The following SLC36A1 variants were observed in gnomAD, a reference collection of about 807,000 sequenced individuals.
The protein encoded by SLC36A1 is solute carrier family 36 member 1, also known as proton-coupled amino acid transporter 1.
In SLC36A1, 30 loss-of-function variants were observed where a neutral mutation model predicts 47.5. The ratio of observed to expected loss-of-function variants is 0.63; its 90% CI spans 0.47 to 0.86. The LOEUF (loss-of-function observed/expected upper bound fraction) is 0.86. Among genes scored for constraint, SLC36A1 ranks in the 40% least tolerant of loss-of-function variants. The pLI is 0.00. For missense variants in SLC36A1, 517 were observed against 606.0 expected (o/e 0.85, Z 1.54); for synonymous variants, 255 against 249.7 (o/e 1.02, Z -0.20).
the SLC36A1 span, chr5:151,528,192 CA>C: frequency 6.3e-7 from 1 of 1,590,958 alleles, no homozygotes; most frequent in Non-Finnish European, 8.6e-7. Flanking sequence ...CCTGGGAGTA[CA>C]GGGGGAAACA....
At chr5:151,527,528 G>A in the SLC36A1 span, 4 of 657,796 alleles carry the variant, frequency 6.1e-6, no homozygotes, top group South Asian at 5.4e-5. Flanking sequence ...TTAGGGCTTA[G>A]GTTCTGGAGT....
At chr5:151,368,660 CT>C in the SLC36A1 span, among the ~76,000 whole-genome samples, 2 of 152,178 alleles carry the variant, frequency 1.3e-5, no homozygotes, top group Non-Finnish European at 2.9e-5. Flanking sequence ...CTGTTGCCAG[CT>C]TTTACAATAG....
the SLC36A1 span, among the ~76,000 whole-genome samples, chr5:151,502,302 A>T: frequency 7.3e-6 from 1 of 137,224 alleles, no homozygotes; most frequent in African/African-American, 3.6e-5. Flanking sequence ...ACAGAGTGAG[A>T]CTCTGTCAAA....
At chr5:151,371,826 G>T in the SLC36A1 span, among the ~76,000 whole-genome samples, 1 of 152,122 alleles carries the variant, frequency 6.6e-6, no homozygotes, top group East Asian at 1.9e-4. Flanking sequence ...GGATAAATGT[G>T]TACTGATCTT....
At chr5:151,400,762 T>G in the SLC36A1 span, among the ~76,000 whole-genome samples, 4 of 152,212 alleles carry the variant, frequency 2.6e-5, no homozygotes, top group African/African-American at 9.6e-5. Context: ...TGATTCGCAT[T>G]TCTCTGATTA....
rs367661783 is a variant in SLC36A1, at chr5:151,467,858, T to C, written c.656T>C (p.Ile219Thr). The part of the protein sequence containing the change: ...VFIRNLRALS[I>T]FSLLANITML... ...ATCAGGAACCTCCGAGCCCTGTCCATCTTCTCCCTGTTGGCCAACATCACC... is the reference window on the plus strand; with the variant it reads ...ATCAGGAACCTCCGAGCCCTGTCCACCTTCTCCCTGTTGGCCAACATCACC... The change falls in exon 7 of 11, where the codon ATC (isoleucine) becomes ACC (threonine). Residue 219 changes from isoleucine to threonine, a missense_variant. Ile to Thr is a moderately conservative substitution (Grantham distance 89). Coordinates refer to ENST00000243389, the MANE Select transcript of SLC36A1 (RefSeq NM_078483.4). The C allele has an allele frequency of 1.5e-5, 25 of 1,613,976 alleles. No homozygotes were observed. The highest frequency in any genetic ancestry group is 1.5e-4 in the South Asian group (14 of 91,062).
chr5:151,448,629 A>C (rs1001005609), intron 1 of SLC36A1, among the ~76,000 whole-genome samples: 2 of 152,228 alleles, frequency 1.3e-5, no homozygotes, highest in African/African-American at 4.8e-5. Flanking sequence ...TAACTTGAAG[A>C]ATGTAAAGAC....
chr5:151,475,436 CACTGCTAGATTG>C (rs1757913628), intron 8 of SLC36A1, among the ~76,000 whole-genome samples: 1 of 152,196 alleles, frequency 6.6e-6, no homozygotes, highest in African/African-American at 2.4e-5. Context: ...AGAGAGAGAA[CACTGCTAGATTG>C]ACTCTTAGTT....
At chr5:151,345,618 A>C in the SLC36A1 span, among the ~76,000 whole-genome samples, 1 of 147,102 alleles carries the variant, frequency 6.8e-6, no homozygotes, top group East Asian at 2.0e-4. Flanking sequence ...CTGACCGAGC[A>C]CTACACCCTA....
the SLC36A1 span, among the ~76,000 whole-genome samples, chr5:151,408,481 C>T: frequency 7.2e-5 from 11 of 152,306 alleles, no homozygotes; most frequent in Admixed American, 2.6e-4. Flanking sequence ...ACCACCGTGC[C>T]TGGCCAAGTC....
the SLC36A1 span, among the ~76,000 whole-genome samples, chr5:151,395,492 G>A: frequency 9.2e-5 from 14 of 152,294 alleles, no homozygotes; most frequent in Non-Finnish European, 1.6e-4. Flanking sequence ...TGTCTTCTGC[G>A]TCACTCATGC....
upstream of SLC36A1, among the ~76,000 whole-genome samples, chr5:151,432,232 T>A (rs1759395265): frequency 6.6e-6 from 1 of 152,174 alleles, no homozygotes; most frequent in South Asian, 2.1e-4. Context: ...AATAAGTTTT[T>A]AAAAATTCAA....
upstream of SLC36A1, among the ~76,000 whole-genome samples, chr5:151,443,525 A>C (rs760754609): frequency 4.6e-5 from 7 of 151,930 alleles, no homozygotes; most frequent in Non-Finnish European, 7.4e-5. Context: ...TTGTTTTTCT[A>C]TTGCTGAGTT....
intron 10 of SLC36A1, among the ~76,000 whole-genome samples, chr5:151,481,930 C>A (rs7721225): frequency 6.6e-6 from 1 of 152,220 alleles, no homozygotes; most frequent in African/African-American, 2.4e-5. Context: ...GTAGGATCAA[C>A]GGTTTTTTAG....
chr5:151,527,364 G>A, the SLC36A1 span: 24 of 1,609,284 alleles, frequency 1.5e-5, no homozygotes, highest in South Asian at 2.7e-4. Context: ...GAGCTTCAGG[G>A]AATAACTAGA....
rs1174694883 is a variant in SLC36A1 at position 151,447,673 on chromosome 5, G to A, written c.-146G>A. ...GCTGATACTGAACCCGGGAAGGGTGGGCTGTGCTGAAGCCAGAGCCGGAGC... is the reference window on the plus strand; with the variant it reads ...GCTGATACTGAACCCGGGAAGGGTGAGCTGTGCTGAAGCCAGAGCCGGAGC... On this transcript the variant is annotated 5_prime_UTR_variant, in exon 1 of 11. Transcript: ENST00000243389. 1 of 152,816 alleles carries A rather than the reference G, an allele frequency of 6.5e-6. No homozygotes were observed. Among genetic ancestry groups the A allele is most frequent in the Non-Finnish European group, 1.5e-5 (1 of 68,500 alleles). 9.5% of individuals were successfully genotyped at this position (152,816 alleles called of 1,614,324 possible).
the SLC36A1 span, among the ~76,000 whole-genome samples, chr5:151,429,134 C>A: frequency 1.3e-5 from 2 of 152,182 alleles, no homozygotes; most frequent in Non-Finnish European, 2.9e-5. Flanking sequence ...TTCACTCTCT[C>A]AACAACTCTA....
intron 1 of SLC36A1, among the ~76,000 whole-genome samples, chr5:151,437,922 C>T (rs984267881): frequency 2.6e-5 from 4 of 152,106 alleles, no homozygotes; most frequent in Non-Finnish European, 5.9e-5. Context: ...AGGCCTCCTG[C>T]GTTTCCTTGG....
At chr5:151,454,577 G>A (rs1009344193) in intron 1 of SLC36A1, among the ~76,000 whole-genome samples, 5 of 152,040 alleles carry the variant, frequency 3.3e-5, no homozygotes, top group Non-Finnish European at 7.4e-5. Flanking sequence ...GTTCTATTTG[G>A]AACAGATCTG....
Sources: allele counts gnomAD v4.1 joint callset (sites outside exome capture counted in the v4.1 genomes callset), GRCh38; gene constraint gnomAD v4.1.1; transcripts MANE v1.5; gene names NCBI Gene and HGNC (gene_info 2026-07-23, HGNC 2026-07-21).